Variants in CRACD observed in about 807,000 individuals in gnomAD.
CRACD encodes capping protein-inhibiting regulator of actin dynamics.
In CRACD, 56 loss-of-function variants were observed where a neutral mutation model predicts 106.8. That is an observed-to-expected ratio of 0.52 (90% CI 0.42 to 0.66). The LOEUF (loss-of-function observed/expected upper bound fraction) is 0.66, where lower values mean the gene tolerates loss of function less well. CRACD is among the 30% of genes least tolerant of loss of function. The pLI is 0.00. For synonymous variants in CRACD, 754 were observed against 670.8 expected (o/e 1.12, Z -1.92); for missense variants, 1,730 against 1,623.2 (o/e 1.07, Z -1.13).
At chr4:56,149,759 A>G (rs1185180885) in intron 1 of CRACD, among the ~76,000 whole-genome samples, 1 of 152,202 alleles carries the variant, frequency 6.6e-6, no homozygotes, top group Non-Finnish European at 1.5e-5. Context: ...TGAGCTGTGC[A>G]TGTGTTGCTA....
intron 2 of CRACD, among the ~76,000 whole-genome samples, chr4:56,203,690 C>T (rs561566895): frequency 6.6e-6 from 1 of 152,278 alleles, no homozygotes; most frequent in Non-Finnish European, 1.5e-5. Context: ...AATGTGGAGC[C>T]ATTTGTTCAA....
intron 1 of CRACD, among the ~76,000 whole-genome samples, chr4:56,167,715 A>G (rs934010996): frequency 1.3e-5 from 2 of 152,220 alleles, no homozygotes; most frequent in African/African-American, 4.8e-5. Context: ...CAAAGTCTGA[A>G]TAGACTATTC....
At chr4:56,319,406 A>G (rs780084130) in intron 8 of CRACD, among the ~76,000 whole-genome samples, 7 of 151,960 alleles carry the variant, frequency 4.6e-5, no homozygotes, top group Non-Finnish European at 8.8e-5. Flanking sequence ...CCAGGAGTTC[A>G]GGACCAGCCT....
At chr4:56,137,298 T>G (rs1352008510) in intron 1 of CRACD, among the ~76,000 whole-genome samples, 1 of 152,086 alleles carries the variant, frequency 6.6e-6, no homozygotes, top group Non-Finnish European at 1.5e-5. Context: ...AAAAGAAAAT[T>G]TTCAGCTCCA....
At chr4:56,169,633 A>T (rs1447659625) in intron 1 of CRACD, among the ~76,000 whole-genome samples, 1 of 152,104 alleles carries the variant, frequency 6.6e-6, no homozygotes, top group Non-Finnish European at 1.5e-5. Flanking sequence ...AGTAGCTGGG[A>T]CTACAGGTGC....
At chr4:56,304,454 C>A (rs1744561226) in intron 4 of CRACD, among the ~76,000 whole-genome samples, 1 of 151,876 alleles carries the variant, frequency 6.6e-6, no homozygotes, top group Non-Finnish European at 1.5e-5. Context: ...TCAGGATGGA[C>A]CAACATGAGT....
chr4:56,152,207 C>T (rs1425861020), intron 1 of CRACD, among the ~76,000 whole-genome samples: 50 of 150,760 alleles, frequency 3.3e-4, no homozygotes, highest in Middle Eastern at 3.4e-3. Flanking sequence ...TTAGTAGAGA[C>T]GGGGTTTCAC....
chr4:56,055,978 T>G (rs1284642390), intron 1 of CRACD, among the ~76,000 whole-genome samples: 2 of 152,226 alleles, frequency 1.3e-5, no homozygotes, highest in African/African-American at 2.4e-5. Context: ...GTATTATTTT[T>G]ATAGCATTAT....
intron 1 of CRACD, among the ~76,000 whole-genome samples, chr4:56,067,143 C>A (rs913559964): frequency 6.6e-6 from 1 of 151,940 alleles, no homozygotes; most frequent in South Asian, 2.1e-4. Flanking sequence ...CTTCTAGGAG[C>A]CTCTGTTTCT....
chr4:56,142,293 T>C (rs1380396411), intron 1 of CRACD, among the ~76,000 whole-genome samples: 3 of 152,226 alleles, frequency 2.0e-5, no homozygotes, highest in African/African-American at 7.2e-5. Context: ...TAGTATTTCA[T>C]GGTTATGCCA....
intron 1 of CRACD, among the ~76,000 whole-genome samples, chr4:56,165,855 G>A (rs1736121192): frequency 6.6e-6 from 1 of 152,156 alleles, no homozygotes; most frequent in Admixed American, 6.5e-5. Context: ...TTCATTGCTA[G>A]TGGAAATTGA....
At chr4:56,062,947 C>G (rs1732331449) in intron 1 of CRACD, among the ~76,000 whole-genome samples, 1 of 152,190 alleles carries the variant, frequency 6.6e-6, no homozygotes, top group Non-Finnish European at 1.5e-5. Flanking sequence ...CCTCACTCTG[C>G]CAGTCCCTGT....
intron 3 of CRACD, among the ~76,000 whole-genome samples, chr4:56,282,289 T>C (rs574831962): frequency 6.6e-6 from 1 of 152,276 alleles, no homozygotes; most frequent in South Asian, 2.1e-4. Flanking sequence ...ATGATTCTTG[T>C]CCAAAAAAGA....
At chr4:56,186,362 C>T (rs191930829) in intron 2 of CRACD, among the ~76,000 whole-genome samples, 1 of 152,256 alleles carries the variant, frequency 6.6e-6, no homozygotes, top group African/African-American at 2.4e-5. Flanking sequence ...CAGTTAAACA[C>T]AGGACAAACG....
rs967631066 is a variant in CRACD at position 56,049,313 on chromosome 4, C to G, written c.-336+14C>G. The G allele has an allele frequency of 1.3e-5, 2 of 151,678 alleles. No individual in the cohort carries two copies. Among genetic ancestry groups the G allele is most frequent in the Non-Finnish European group, 2.9e-5 (2 of 67,898 alleles). The allele number at this position is 151,678 out of a possible 1,614,324, so 9.4% of individuals were successfully genotyped here. On this transcript the variant is annotated intron_variant, in intron 1 of 10. Transcript: ENST00000682029. ...CGGGGACCTCAGGTGAGCGCCTGCT[C>G]GGCCCGCGGCCGGAGCCAGACAATG...
rs151183852 is a variant in CRACD, at chr4:56,187,633, C to T, written c.-189+8203C>T. On this transcript the variant is annotated intron_variant, in intron 2 of 10. Transcript: ENST00000682029. ...AACAAAAAAGCTATTGAATTTATTACCCCTACAATGTCCATTTTAATCTTC... is the reference window on the plus strand; with the variant it reads ...AACAAAAAAGCTATTGAATTTATTATCCCTACAATGTCCATTTTAATCTTC... Among the ~76,000 whole-genome samples the T allele has an allele frequency of 1.5e-4, 23 of 152,134 alleles. No homozygotes were observed. In the East Asian group the frequency reaches 3.7e-3, roughly 24 times the overall value.
chr4:56,319,562 C>T (rs1745920310), intron 8 of CRACD, among the ~76,000 whole-genome samples: 1 of 151,904 alleles, frequency 6.6e-6, no homozygotes, highest in Non-Finnish European at 1.5e-5. Context: ...TGCGATCTCA[C>T]CACTGCACTC....
intron 2 of CRACD, among the ~76,000 whole-genome samples, chr4:56,260,904 TC>T (rs1741662257): frequency 6.6e-6 from 1 of 151,488 alleles, no homozygotes; most frequent in African/African-American, 2.4e-5. Flanking sequence ...CATCCATCCA[TC>T]CATCCATCCA....
intron 4 of CRACD, among the ~76,000 whole-genome samples, chr4:56,304,900 G>C (rs1178624404): frequency 6.6e-6 from 1 of 152,128 alleles, no homozygotes; most frequent in East Asian, 1.9e-4. Flanking sequence ...TGTTAGGCCA[G>C]GTCCTCCTTG....
Sources: allele counts gnomAD v4.1 joint callset (sites outside exome capture counted in the v4.1 genomes callset), GRCh38; gene constraint gnomAD v4.1.1; transcripts MANE v1.5; gene names NCBI Gene and HGNC (gene_info 2026-07-23, HGNC 2026-07-21).